The following TSPAN9 variants were observed in gnomAD, a reference collection of about 807,000 sequenced individuals.
TSPAN9 encodes the protein tetraspanin 9.
A neutral mutation model predicts 31.0 loss-of-function variants in TSPAN9; 16 were observed. That is an observed-to-expected ratio of 0.52 (90% CI 0.35 to 0.78). The LOEUF (loss-of-function observed/expected upper bound fraction) is 0.78. Ranked by LOEUF, TSPAN9 falls within the 30% of genes least tolerant of loss-of-function variation. The probability of loss-of-function intolerance (pLI) is 0.01; values close to 1 mark genes in which losing one functional copy is unlikely to be tolerated. For synonymous variants in TSPAN9, 145 were observed against 121.6 expected, an observed-to-expected ratio of 1.19 and a Z score of -1.27; for missense variants, 272 against 312.5, an observed-to-expected ratio of 0.87 and a Z score of 0.98.
chr12:3,280,578 G>T lies in TSPAN9; in HGVS notation c.432+95G>T. ...TCCCCGGTGACCTGGCCGGGCACCT[G>T]TGCTTTCTGGATTTTAGCCGGGAGT... On this transcript the variant is annotated intron_variant, in intron 6 of 8. Coordinates refer to ENST00000011898, the MANE Select transcript of TSPAN9 (RefSeq NM_006675.5). The surrounding 1 kb of genome is among the most constrained non-coding windows in gnomAD (Gnocchi z 4.5). 8.4e-7 allele frequency: 1 copy of T among 1,183,720 alleles called. No homozygotes were observed. The highest frequency in any genetic ancestry group is 1.2e-6 in the Non-Finnish European group (1 of 831,566). The allele number at this position is 1,183,720 out of a possible 1,614,324, so 73.3% of individuals were successfully genotyped here. A position where few individuals can be genotyped will look rare whatever the true frequency, so the allele number is the denominator to read the frequency against.
intron 2 of TSPAN9, among the ~76,000 whole-genome samples, chr12:3,109,299 T>TGTGTGTGTGTGAGAGA (rs1274383200): frequency 1.3e-4 from 15 of 118,298 alleles, no homozygotes; most frequent in African/African-American, 6.4e-4. Context: ...TGTGTGTGTG[T>TGTGTGTGTGTGAGAGA]GAGAGAGAGT....
At chr12:3,135,081 C>A (rs2098331496) in intron 2 of TSPAN9, among the ~76,000 whole-genome samples, 1 of 151,982 alleles carries the variant, frequency 6.6e-6, no homozygotes, top group African/African-American at 2.4e-5. Context: ...AGAGTTGGGG[C>A]AACACTATTA....
chr12:3,196,983 C>T (rs754533863), intron 2 of TSPAN9, among the ~76,000 whole-genome samples: 1 of 152,152 alleles, frequency 6.6e-6, no homozygotes, highest in Admixed American at 6.5e-5. Flanking sequence ...GAGGGCCCTC[C>T]GTGACACCAG....
At chr12:3,098,419 C>T (rs907400106) in intron 2 of TSPAN9, among the ~76,000 whole-genome samples, 9 of 152,202 alleles carry the variant, frequency 5.9e-5, no homozygotes, top group Non-Finnish European at 1.3e-4. Context: ...CTTCTGTTCT[C>T]TGGACCCTCC....
At chr12:3,130,086 C>T (rs2098329156) in intron 2 of TSPAN9, among the ~76,000 whole-genome samples, 3 of 152,208 alleles carry the variant, frequency 2.0e-5, no homozygotes, top group Admixed American at 6.5e-5. Flanking sequence ...CCTCTTTGGC[C>T]CTCTCCAGGA....
At chr12:3,081,738 G>C (rs12099912) in intron 1 of TSPAN9, among the ~76,000 whole-genome samples, 60,261 of 151,148 alleles carry the variant, frequency 0.4, 13,815 homozygotes, top group African/African-American at 0.64. Flanking sequence ...AGCTGATGTG[G>C]GAGGATCACT....
In TSPAN9 at chr12:3,117,938, A is replaced by C. The variant is rs552178368; in HGVS notation, c.-18+34219A>C. ...CTGTCACCTCAGGGCTGGGAGGTGA[A>C]GGGAATGGCCTGAAGGTGGAGGAGG... On this transcript the variant is annotated intron_variant, in intron 2 of 8. Coordinates refer to ENST00000011898, the MANE Select transcript of TSPAN9 (RefSeq NM_006675.5). Among the ~76,000 whole-genome samples the C allele has an allele frequency of 7.9e-5, 12 of 152,144 alleles. No homozygotes were observed. The East Asian group carries it at 2.3e-3, about 30-fold the overall frequency.
At chr12:3,110,762 C>T (rs1052863617) in intron 2 of TSPAN9, among the ~76,000 whole-genome samples, 10 of 152,176 alleles carry the variant, frequency 6.6e-5, no homozygotes, top group Non-Finnish European at 1.3e-4. Flanking sequence ...ATGTGCCAGT[C>T]ATTTACTGTA....
At chr12:3,266,091 G>A (rs1387690186) in intron 3 of TSPAN9, among the ~76,000 whole-genome samples, 1 of 152,156 alleles carries the variant, frequency 6.6e-6, no homozygotes, top group East Asian at 1.9e-4. Context: ...GCTACAAGGA[G>A]CACTCCAGGC....
At chr12:3,233,004 A>G (rs1472807116) in intron 3 of TSPAN9, among the ~76,000 whole-genome samples, 1 of 152,162 alleles carries the variant, frequency 6.6e-6, no homozygotes, top group African/African-American at 2.4e-5. Flanking sequence ...ACCTCTGTCT[A>G]CATACTCTCT....
At chr12:3,171,057 G>A (rs577198061) in intron 2 of TSPAN9, among the ~76,000 whole-genome samples, 6 of 151,872 alleles carry the variant, frequency 4.0e-5, no homozygotes, top group Admixed American at 6.6e-5. Context: ...GCCACCGTTC[G>A]TCACCTCGTG....
At chr12:3,268,773 CCT>C (rs1380436244) in intron 3 of TSPAN9, among the ~76,000 whole-genome samples, 2 of 96,366 alleles carry the variant, frequency 2.1e-5, no homozygotes, top group African/African-American at 7.0e-5. Flanking sequence ...TGCAGCCTGC[CCT>C]CTCTGTGTTC....
intron 3 of TSPAN9, among the ~76,000 whole-genome samples, chr12:3,275,183 C>A (rs1024699101): frequency 2.0e-5 from 3 of 152,220 alleles, no homozygotes; most frequent in African/African-American, 7.2e-5. Flanking sequence ...GTAGAGGTAC[C>A]TGAGCATCCC....
chr12:3,266,789 T>TC (rs1006774804), intron 3 of TSPAN9, among the ~76,000 whole-genome samples: 3 of 152,114 alleles, frequency 2.0e-5, no homozygotes, highest in African/African-American at 7.2e-5. Flanking sequence ...TGGACGCGGC[T>TC]CCCGGCTGGC....
At chr12:3,156,708 A>G (rs113196617) in intron 2 of TSPAN9, among the ~76,000 whole-genome samples, 15,925 of 151,952 alleles carry the variant, frequency 0.1, 919 homozygotes, top group African/African-American at 0.16. Flanking sequence ...GGGTTTCACC[A>G]TGTTGGCTAG....
At chr12:3,083,779 CTCTG>C (rs761861569) in intron 2 of TSPAN9, 60 bp downstream of exon 2, 1 of 152,270 alleles carries the variant, frequency 6.6e-6, no homozygotes, top group African/African-American at 2.4e-5. Flanking sequence ...GTGTTATAAC[CTCTG>C]TCTGAAGTCA....
At chr12:3,110,474 G>A (rs145287810) in intron 2 of TSPAN9, among the ~76,000 whole-genome samples, 159 of 152,332 alleles carry the variant, frequency 1.0e-3, no homozygotes, top group African/African-American at 3.8e-3. Flanking sequence ...TTCTCTTGGA[G>A]ATCTTTGGCC....
intron 3 of TSPAN9, among the ~76,000 whole-genome samples, chr12:3,233,978 C>G (rs2098392089): frequency 6.6e-6 from 1 of 152,186 alleles, no homozygotes; most frequent in African/African-American, 2.4e-5. Flanking sequence ...GGAGCCCCCA[C>G]AGGCTGCAGA....
intron 3 of TSPAN9, among the ~76,000 whole-genome samples, chr12:3,208,372 A>G (rs574949871): frequency 6.6e-6 from 1 of 152,248 alleles, no homozygotes; most frequent in African/African-American, 2.4e-5. Flanking sequence ...GGCAGTGGAG[A>G]AGGATGTGGT....
Sources: allele counts gnomAD v4.1 joint callset (sites outside exome capture counted in the v4.1 genomes callset), GRCh38; gene constraint gnomAD v4.1.1; non-coding constraint Gnocchi (gnomAD v3.1); transcripts MANE v1.5; gene names NCBI Gene and HGNC (gene_info 2026-07-23, HGNC 2026-07-21).